The following NOL4L variants were observed in gnomAD, a reference collection of about 807,000 sequenced individuals.
NOL4L encodes nucleolar protein 4-like.
Under a neutral mutation model 64.5 loss-of-function variants are expected in NOL4L, and 7 were observed. The observed-to-expected ratio is 0.11, with a 90% CI of 0.06 to 0.20. The LOEUF is 0.20. NOL4L is among the 10% of genes least tolerant of loss of function. NOL4L has a pLI of 1.00. For missense variants in NOL4L, 680 were observed against 967.1 expected (o/e 0.70, Z 3.94); for synonymous variants, 413 against 401.0 (o/e 1.03, Z -0.36).
At chr20:32,577,009 C>A (rs1341296606) in intron 1 of NOL4L, among the ~76,000 whole-genome samples, 1 of 152,210 alleles carries the variant, frequency 6.6e-6, no homozygotes, top group Non-Finnish European at 1.5e-5. Context: ...GAGGGTCAGA[C>A]AGAGCCCTGG....
rs573869256 is a variant in NOL4L, at chr20:32,453,673, G to A, written c.1208C>T (p.Thr403Met). The A allele has an allele frequency of 1.4e-5, 22 of 1,574,546 alleles. No homozygotes were observed. Among genetic ancestry groups the A allele is most frequent in the Admixed American group, 5.6e-5 (3 of 53,324 alleles). The change falls in exon 7 of 11, where the codon ACG becomes ATG. Residue 403 changes from threonine to methionine, a missense_variant. Physicochemically the swap from Thr to Met is moderately conservative, Grantham distance 81. This residue lies in a region of NOL4L where 254 missense variants were observed against 238.7 expected (regional missense o/e 1.06). Coordinates refer to ENST00000621426, the MANE Select transcript of NOL4L (RefSeq NM_001256798.2). This position sits in a 1 kb window ranked among gnomAD's most constrained non-coding sequence, Gnocchi z 5.6. Reference sequence around the variant, plus strand: ...GTGGTCATCGTCGTCATCATCTGCCGTCGGGGCCCGGCCCACTGTCAGGTC... The same window carrying A: ...GTGGTCATCGTCGTCATCATCTGCCATCGGGGCCCGGCCCACTGTCAGGTC... ...PEDLTVGRAP[T>M]ADDDDDDHDD...
chr20:32,536,954 C>G (rs2018552926), intron 1 of NOL4L: 1 of 630,124 alleles, frequency 1.6e-6, no homozygotes, highest in South Asian at 6.9e-5. Context: ...AGACCGCGCC[C>G]GCGCGGGCCC....
chr20:32,486,639 T>A (rs1324232449), intron 4 of NOL4L: 6 of 457,230 alleles, frequency 1.3e-5, no homozygotes, highest in African/African-American at 1.2e-4. Context: ...CGTCAAAACA[T>A]TAAAAAAAAA....
At chr20:32,449,316 C>A (rs562492381) in intron 10 of NOL4L, among the ~76,000 whole-genome samples, 1 of 152,344 alleles carries the variant, frequency 6.6e-6, no homozygotes, top group East Asian at 1.9e-4. Flanking sequence ...TGGTCACATT[C>A]TCTCATGATT....
chr20:32,540,731 T>C (rs1333918325), intron 1 of NOL4L, among the ~76,000 whole-genome samples: 1 of 151,560 alleles, frequency 6.6e-6, no homozygotes, highest in Non-Finnish European at 1.5e-5. Context: ...ATGTTAGGAG[T>C]GAATGTGTGG....
chr20:32,449,264 C>T (rs2012626711), intron 10 of NOL4L, among the ~76,000 whole-genome samples: 1 of 152,208 alleles, frequency 6.6e-6, no homozygotes, highest in Non-Finnish European at 1.5e-5. Context: ...CTTTATCTTC[C>T]ACGGGGGTGT....
At chr20:32,471,089 G>T (rs1452852829) in intron 5 of NOL4L, among the ~76,000 whole-genome samples, 3 of 152,230 alleles carry the variant, frequency 2.0e-5, no homozygotes, top group Non-Finnish European at 4.4e-5. Flanking sequence ...CCAGTGGCAG[G>T]GTTGGGGGCA....
At chr20:32,566,682 A>G (rs1979450617) in intron 1 of NOL4L, among the ~76,000 whole-genome samples, 1 of 152,092 alleles carries the variant, frequency 6.6e-6, no homozygotes, top group South Asian at 2.1e-4. Context: ...GCTCTGCTCA[A>G]AATGTCACAT....
At chr20:32,576,340 T>C (rs1372018288) in intron 1 of NOL4L, among the ~76,000 whole-genome samples, 1 of 151,976 alleles carries the variant, frequency 6.6e-6, no homozygotes, top group African/African-American at 2.4e-5. Flanking sequence ...GAATTTGAGA[T>C]GTGCTTTGAA....
At chr20:32,517,023 G>T (rs1366967724) in intron 3 of NOL4L, among the ~76,000 whole-genome samples, 1 of 152,236 alleles carries the variant, frequency 6.6e-6, no homozygotes, top group African/African-American at 2.4e-5. Context: ...ATTCCTCAGG[G>T]ACTGGTGGAA....
Position 32,446,993 on chromosome 20 carries a change from G to A in NOL4L, c.*603C>T. On this transcript the variant is annotated 3_prime_UTR_variant, in exon 11 of 11. Transcript: ENST00000621426. ...GGCCAAGGGCTAGCGGCCACAGGGTGCACCAGGCATGCAGAGGAACAGCCA... is the reference window on the plus strand; with the variant it reads ...GGCCAAGGGCTAGCGGCCACAGGGTACACCAGGCATGCAGAGGAACAGCCA... 1 of 322,346 alleles carries A rather than the reference G, an allele frequency of 3.1e-6. No individual in the cohort carries two copies. The highest frequency in any genetic ancestry group is 6.0e-6 in the Non-Finnish European group (1 of 166,580). The allele number at this position is 322,346 out of a possible 1,614,324, so 20.0% of individuals were successfully genotyped here.
chr20:32,475,210 C>A, intron 4 of NOL4L: 1 of 985,480 alleles, frequency 1.0e-6, no homozygotes, highest in Non-Finnish European at 1.2e-6. Context: ...GGCGCCCTGA[C>A]TCCCATGAAG....
intron 2 of NOL4L, among the ~76,000 whole-genome samples, chr20:32,523,980 G>GGATT (rs2018037944): frequency 6.6e-6 from 1 of 152,192 alleles, no homozygotes; most frequent in South Asian, 2.1e-4. Flanking sequence ...CCCTGAGGGT[G>GGATT]GATTAGCACG....
chr20:32,448,578 C>T (rs934564149), intron 10 of NOL4L, among the ~76,000 whole-genome samples: 2 of 152,168 alleles, frequency 1.3e-5, no homozygotes, highest in Non-Finnish European at 2.9e-5. Context: ...ATCCCCCCTC[C>T]TGGGAGGAGT....
At chr20:32,578,532 C>T (rs535930603) in intron 1 of NOL4L, among the ~76,000 whole-genome samples, 3 of 152,278 alleles carry the variant, frequency 2.0e-5, no homozygotes, top group East Asian at 1.9e-4. Flanking sequence ...ACTACGGGTG[C>T]GTGCCAACAT....
At chr20:32,537,252 G>A (rs1270649545) in intron 1 of NOL4L, 1 of 362,382 alleles carries the variant, frequency 2.8e-6, no homozygotes, top group Non-Finnish European at 3.8e-6. Flanking sequence ...GTGGCCATTT[G>A]CCCAGGGTCA....
intron 1 of NOL4L, among the ~76,000 whole-genome samples, chr20:32,574,836 C>T (rs1204808348): frequency 2.6e-5 from 4 of 152,088 alleles, no homozygotes; most frequent in African/African-American, 9.7e-5. Context: ...GCCAGCCTAC[C>T]GGACACCCTT....
intron 4 of NOL4L, among the ~76,000 whole-genome samples, chr20:32,493,931 C>T (rs79395250): frequency 0.011 from 1,692 of 152,260 alleles, 18 homozygotes; most frequent in African/African-American, 0.037. Context: ...GAGACTAGGG[C>T]TCTCTTTCTT....
chr20:32,460,900 G>A lies in NOL4L; in HGVS notation c.842-4505C>T, dbSNP rs1278840121. Among the ~76,000 whole-genome samples the A allele has an allele frequency of 6.6e-6, 1 of 152,228 alleles. No individual in the cohort carries two copies. Among genetic ancestry groups the A allele is most frequent in the Non-Finnish European group, 1.5e-5 (1 of 68,040 alleles). On this transcript the variant is annotated intron_variant, in intron 5 of 10. Transcript: ENST00000621426. This position sits in a 1 kb window ranked among gnomAD's most constrained non-coding sequence, Gnocchi z 5.7. Reference sequence around the variant, plus strand: ...AGCTTTCTGGCCCCTGAGCCATGGTGTCTCCCCTACTCTCGGCGACTCCTG... The same window carrying A: ...AGCTTTCTGGCCCCTGAGCCATGGTATCTCCCCTACTCTCGGCGACTCCTG...
Sources: gnomAD v4.1 joint callset for allele counts (sites outside exome capture counted in the v4.1 genomes callset) on GRCh38, gnomAD v4.1.1 for gene constraint, gnomAD v4.1.1 regional missense constraint, Gnocchi (gnomAD v3.1) non-coding constraint, MANE v1.5 for transcripts, NCBI Gene and HGNC (gene_info 2026-07-23, HGNC 2026-07-21) for gene names.